Variants in PIP5K1B observed in about 807,000 individuals in gnomAD.
PIP5K1B encodes the protein phosphatidylinositol-4-phosphate 5-kinase type 1 beta, also known as phosphatidylinositol 4-phosphate 5-kinase type-1 beta.
A neutral mutation model predicts 67.0 loss-of-function variants in PIP5K1B; 42 were observed. The ratio of observed to expected loss-of-function variants is 0.63; its 90% confidence interval spans 0.49 to 0.81. PIP5K1B has a LOEUF of 0.81. Ranked by LOEUF, PIP5K1B falls within the 30% of genes least tolerant of loss-of-function variation. The pLI is 0.00. For missense variants in PIP5K1B, 459 were observed against 646.3 expected, an observed-to-expected ratio of 0.71 and a Z score of 3.14; for synonymous variants, 214 against 231.4, an observed-to-expected ratio of 0.92 and a Z score of 0.68.
intron 2 of PIP5K1B, among the ~76,000 whole-genome samples, chr9:68,768,070 C>T (rs118126553): frequency 0.019 from 2,868 of 152,142 alleles, 43 homozygotes; most frequent in Middle Eastern, 0.061. Context: ...AAACTGTACA[C>T]GGAAAGTACC....
chr9:68,892,887 A>T (rs1461864628), intron 7 of PIP5K1B, among the ~76,000 whole-genome samples: 1 of 152,156 alleles, frequency 6.6e-6, no homozygotes, highest in African/African-American at 2.4e-5. Flanking sequence ...CCTGGCCGAC[A>T]TATAGTGAAA....
intron 2 of PIP5K1B, among the ~76,000 whole-genome samples, chr9:68,815,814 A>T (rs1005174369): frequency 7.2e-5 from 11 of 152,118 alleles, no homozygotes; most frequent in Non-Finnish European, 1.2e-4. Flanking sequence ...TTCTAGAAAC[A>T]TAAGGATTTT....
intron 14 of PIP5K1B, among the ~76,000 whole-genome samples, chr9:68,974,428 C>T (rs749098117): frequency 2.0e-4 from 31 of 152,170 alleles, no homozygotes; most frequent in East Asian, 3.8e-4. Context: ...GATTCTAACA[C>T]GCCTAGCCTT....
chr9:68,833,893 G>C (rs1235604212), intron 4 of PIP5K1B, among the ~76,000 whole-genome samples: 1 of 152,210 alleles, frequency 6.6e-6, no homozygotes, highest in Non-Finnish European at 1.5e-5. Flanking sequence ...GAGAATGTCA[G>C]AGAGGCAAGT....
At chr9:68,754,072 G>C (rs943189320) in intron 2 of PIP5K1B, among the ~76,000 whole-genome samples, 1 of 151,510 alleles carries the variant, frequency 6.6e-6, no homozygotes, top group African/African-American at 2.4e-5. Flanking sequence ...GCATTTCTGC[G>C]TTTATTTAAG....
chr9:68,998,986 C>A (rs774963561), intron 15 of PIP5K1B, among the ~76,000 whole-genome samples: 1 of 152,134 alleles, frequency 6.6e-6, no homozygotes, highest in Non-Finnish European at 1.5e-5. Context: ...TTCTAGAGGC[C>A]GGATGTCTGA....
intron 8 of PIP5K1B, among the ~76,000 whole-genome samples, chr9:68,915,242 A>G (rs188207607): frequency 1.6e-3 from 244 of 152,176 alleles, no homozygotes; most frequent in African/African-American, 5.7e-3. Flanking sequence ...TCTCCGAGAA[A>G]GGAAGCGCTA....
At chr9:68,970,941 C>T (rs901839763) in intron 14 of PIP5K1B, among the ~76,000 whole-genome samples, 1 of 151,942 alleles carries the variant, frequency 6.6e-6, no homozygotes, top group African/African-American at 2.4e-5. Context: ...TTGCTAGAGT[C>T]AAATTTTGCA....
intron 11 of PIP5K1B, among the ~76,000 whole-genome samples, chr9:68,921,237 G>A (rs1288260318): frequency 1.3e-5 from 2 of 151,854 alleles, no homozygotes. Flanking sequence ...GGGGCAGGAT[G>A]ATCACTTGAG....
chr9:68,870,346 C>T (rs1823569947), intron 5 of PIP5K1B, among the ~76,000 whole-genome samples: 1 of 152,190 alleles, frequency 6.6e-6, no homozygotes, highest in Admixed American at 6.5e-5. Flanking sequence ...GCAGCCTCGT[C>T]TTATACAATG....
At chr9:68,844,661 A>G (rs9776840) in intron 4 of PIP5K1B, among the ~76,000 whole-genome samples, 52,839 of 151,894 alleles carry the variant, frequency 0.35, 9,366 homozygotes, top group East Asian at 0.5. Flanking sequence ...TAGCTCTGAC[A>G]CCAACTTTTA....
intron 8 of PIP5K1B, among the ~76,000 whole-genome samples, chr9:68,904,701 C>G (rs907539927): frequency 4.0e-4 from 60 of 150,294 alleles, no homozygotes; most frequent in African/African-American, 1.2e-3. Flanking sequence ...GTGTGAGCAG[C>G]TTTTGAGAAT....
chr9:68,773,303 A>T (rs981285156), intron 2 of PIP5K1B, among the ~76,000 whole-genome samples: 1 of 152,206 alleles, frequency 6.6e-6, no homozygotes, highest in African/African-American at 2.4e-5. Context: ...GAAGCATTTC[A>T]CCAAAGAAAG....
At chr9:68,835,882 A>G (rs533099695) in intron 4 of PIP5K1B, among the ~76,000 whole-genome samples, 2 of 151,492 alleles carry the variant, frequency 1.3e-5, no homozygotes, top group Non-Finnish European at 2.9e-5. Context: ...TAAAAACGAC[A>G]AATTTTCTGT....
intron 2 of PIP5K1B, among the ~76,000 whole-genome samples, chr9:68,749,654 A>C (rs1026120622): frequency 6.6e-6 from 1 of 152,170 alleles, no homozygotes; most frequent in Non-Finnish European, 1.5e-5. Flanking sequence ...GGTGTTTCTC[A>C]AGCTTTAAGT....
At chr9:68,954,696 A>G (rs1186259178) in intron 14 of PIP5K1B, among the ~76,000 whole-genome samples, 4 of 152,218 alleles carry the variant, frequency 2.6e-5, no homozygotes, top group African/African-American at 9.6e-5. Context: ...CAAGCCCCAC[A>G]TGAGAGAGGA....
chr9:68,937,035 C>G (rs1827297575), intron 13 of PIP5K1B, among the ~76,000 whole-genome samples: 1 of 152,152 alleles, frequency 6.6e-6, no homozygotes. Flanking sequence ...AGGATTTTGG[C>G]ATCAATGTTC....
chr9:68,947,316 CT>C (rs2132668084), intron 14 of PIP5K1B, among the ~76,000 whole-genome samples: 1 of 152,296 alleles, frequency 6.6e-6, no homozygotes, highest in South Asian at 2.1e-4. Context: ...AGGATGCTAC[CT>C]GAAGAGCTGG....
chr9:68,860,262 AT>A (rs1822992404), intron 4 of PIP5K1B, among the ~76,000 whole-genome samples: 1 of 152,066 alleles, frequency 6.6e-6, no homozygotes, highest in African/African-American at 2.4e-5. Flanking sequence ...TAGATTCCAT[AT>A]ATAAGATGCT....
Sources: allele counts gnomAD v4.1 joint callset (sites outside exome capture counted in the v4.1 genomes callset), GRCh38; gene constraint gnomAD v4.1.1; transcripts MANE v1.5; gene names NCBI Gene and HGNC (gene_info 2026-07-23, HGNC 2026-07-21).